The following FRMPD1 variants were observed in gnomAD, a reference collection of about 807,000 sequenced individuals.
FRMPD1 encodes the protein FERM and PDZ domain containing 1.
A neutral mutation model predicts 117.8 loss-of-function variants in FRMPD1; 76 were observed. The observed-to-expected ratio is 0.65, with a 90% CI of 0.54 to 0.78. FRMPD1 has a LOEUF of 0.78. Among genes scored for constraint, FRMPD1 ranks in the 30% least tolerant of loss-of-function variants. The probability of loss-of-function intolerance (pLI) is 0.00; values close to 1 mark genes in which losing one functional copy is unlikely to be tolerated. For missense variants in FRMPD1, 1,786 were observed against 1,964.5 expected (o/e 0.91, Z 1.72); for synonymous variants, 783 against 770.4 (o/e 1.02, Z -0.27).
At chr9:37,676,690 AG>A (rs1821540582) in intron 1 of FRMPD1, among the ~76,000 whole-genome samples, 1 of 152,146 alleles carries the variant, frequency 6.6e-6, no homozygotes, top group East Asian at 1.9e-4. Flanking sequence ...ACCCTTGCAT[AG>A]GGTTCTGATT....
chr9:37,707,674 C>G lies in FRMPD1; in HGVS notation c.259+101C>G, dbSNP rs914129988. On this transcript the variant is annotated intron_variant, in intron 3 of 15. Coordinates refer to ENST00000377765, the MANE Select transcript of FRMPD1 (RefSeq NM_014907.3). ...TATCCTATAACAAAATGCAGAAAAT[C>G]CTACCTGGGAAGTTAGAAAAGGCAC... 58 of 998,890 alleles carry G rather than the reference C, an allele frequency of 5.8e-5. No homozygotes were observed. In the East Asian group the frequency reaches 1.4e-3, roughly 24 times the overall value. The allele number at this position is 998,890 out of a possible 1,614,324, so 61.9% of individuals were successfully genotyped here.
At chr9:37,676,563 C>T (rs1049527467) in intron 1 of FRMPD1, among the ~76,000 whole-genome samples, 5 of 152,146 alleles carry the variant, frequency 3.3e-5, no homozygotes, top group Admixed American at 2.0e-4. Context: ...ACAGCTGACC[C>T]GGCTCCCTGA....
chr9:37,654,748 A>G (rs575602868), intron 1 of FRMPD1, among the ~76,000 whole-genome samples: 28 of 152,248 alleles, frequency 1.8e-4, no homozygotes, highest in Non-Finnish European at 3.1e-4. Context: ...GTACAACTAG[A>G]CAGTCTGTGT....
intron 1 of FRMPD1, among the ~76,000 whole-genome samples, chr9:37,688,988 A>G (rs887598976): frequency 6.6e-6 from 1 of 152,108 alleles, no homozygotes; most frequent in African/African-American, 2.4e-5. Context: ...AAATAGTATT[A>G]AGGGTTTATA....
intron 6 of FRMPD1, among the ~76,000 whole-genome samples, chr9:37,720,617 C>T (rs1274891096): frequency 2.6e-5 from 4 of 151,908 alleles, no homozygotes; most frequent in African/African-American, 7.3e-5. Flanking sequence ...TGCAGTGAGC[C>T]GAGATCGCGC....
chr9:37,730,933 C>T (rs369087716), intron 8 of FRMPD1, 51 bp from the exon 9 acceptor site: 15 of 1,602,840 alleles, frequency 9.4e-6, no homozygotes, highest in African/African-American at 1.3e-5. Context: ...GGAATGACTG[C>T]AAGGACAAAG....
At chr9:37,694,098 G>T (rs148710870) in intron 2 of FRMPD1, among the ~76,000 whole-genome samples, 1 of 152,180 alleles carries the variant, frequency 6.6e-6, no homozygotes, top group African/African-American at 2.4e-5. Context: ...CATGAGTGTT[G>T]TAGGTGGTCA....
chr9:37,616,237 C>T, the FRMPD1 span, among the ~76,000 whole-genome samples: 1 of 151,330 alleles, frequency 6.6e-6, no homozygotes, highest in South Asian at 2.1e-4. Flanking sequence ...CCTGGTTCAC[C>T]CTCTCACGTA....
intron 5 of FRMPD1, among the ~76,000 whole-genome samples, chr9:37,714,630 G>GTTTTATTTTA (rs1366083966): frequency 2.0e-5 from 1 of 50,042 alleles, no homozygotes. Context: ...ATTTTGTTTT[G>GTTTTATTTTA]TTTTATTTTA....
chr9:37,733,278 T>A (rs1823972253), intron 10 of FRMPD1, among the ~76,000 whole-genome samples, 195 bp from the exon 11 acceptor site: 1 of 152,124 alleles, frequency 6.6e-6, no homozygotes, highest in Admixed American at 6.5e-5. Flanking sequence ...GGGGTTTAGT[T>A]CCTGAATGCC....
chr9:37,726,926 G>A (rs926996847), intron 7 of FRMPD1, among the ~76,000 whole-genome samples: 1 of 152,118 alleles, frequency 6.6e-6, no homozygotes, highest in Non-Finnish European at 1.5e-5. Flanking sequence ...GCCTCTGGGG[G>A]AGTGGAGTGG....
At chr9:37,621,928 G>A in the FRMPD1 span, among the ~76,000 whole-genome samples, 7 of 152,150 alleles carry the variant, frequency 4.6e-5, no homozygotes, top group Admixed American at 1.3e-4. Context: ...ATAGTACCAC[G>A]TAAGAGGAAG....
the FRMPD1 span, among the ~76,000 whole-genome samples, chr9:37,610,849 G>T: frequency 1.3e-5 from 2 of 152,038 alleles, no homozygotes; most frequent in African/African-American, 2.4e-5. Flanking sequence ...TGATCTGCCC[G>T]CCTCAGCTTC....
the FRMPD1 span, among the ~76,000 whole-genome samples, chr9:37,639,152 G>C: frequency 7.9e-5 from 12 of 152,202 alleles, no homozygotes; most frequent in African/African-American, 2.7e-4. Flanking sequence ...AATGGGATGT[G>C]TGTGCCTCTT....
chr9:37,686,997 C>T (rs1163585166), intron 1 of FRMPD1, among the ~76,000 whole-genome samples: 1 of 152,186 alleles, frequency 6.6e-6, no homozygotes, highest in Non-Finnish European at 1.5e-5. Flanking sequence ...GTGGAGACCT[C>T]AGATTGCATG....
the FRMPD1 span, among the ~76,000 whole-genome samples, chr9:37,644,582 G>T: frequency 2.7e-3 from 406 of 152,274 alleles, 1 homozygote; most frequent in Non-Finnish European, 4.2e-3. Context: ...CCCTGGGTAG[G>T]CACGCTAAGG....
chr9:37,659,902 ACTTTT>A (rs1820945761), intron 1 of FRMPD1, among the ~76,000 whole-genome samples: 1 of 133,616 alleles, frequency 7.5e-6, no homozygotes, highest in Admixed American at 7.9e-5. Flanking sequence ...TTTGCAGTTG[ACTTTT>A]CAAGCACTAA....
chr9:37,623,975 G>A, the FRMPD1 span, among the ~76,000 whole-genome samples: 1 of 152,210 alleles, frequency 6.6e-6, no homozygotes, highest in South Asian at 2.1e-4. Flanking sequence ...TGTGGGAGAG[G>A]TGCATATGGT....
At chr9:37,708,648 A>G (rs535797127) in intron 4 of FRMPD1, 147 bp downstream of exon 4, 2 of 589,852 alleles carry the variant, frequency 3.4e-6, no homozygotes, top group Non-Finnish European at 6.1e-6. Flanking sequence ...TTAGAGTTCC[A>G]TCTATTAAAA....
Sources: gnomAD v4.1 joint callset for allele counts (sites outside exome capture counted in the v4.1 genomes callset) on GRCh38, gnomAD v4.1.1 for gene constraint, MANE v1.5 for transcripts, NCBI Gene and HGNC (gene_info 2026-07-23, HGNC 2026-07-21) for gene names.